SMG1: variants seen among roughly 807,000 people sequenced by gnomAD.
SMG1 encodes the protein serine/threonine-protein kinase SMG1.
A neutral mutation model predicts 419.9 loss-of-function variants in SMG1; 22 were observed. That is an observed-to-expected ratio of 0.05 (90% confidence interval 0.04 to 0.07). SMG1 has a LOEUF of 0.07. SMG1 is among the 10% of genes least tolerant of loss of function. SMG1 has a pLI of 1.00. For missense variants in SMG1, 3,185 were observed against 4,342.0 expected (o/e 0.73, Z 7.49); for synonymous variants, 1,538 against 1,553.5 (o/e 0.99, Z 0.23).
At chr16:18,862,290 A>G (rs1055601279) in intron 25 of SMG1, among the ~76,000 whole-genome samples, 9 of 152,006 alleles carry the variant, frequency 5.9e-5, no homozygotes, top group African/African-American at 2.2e-4. Flanking sequence ...CTCCTCTTCT[A>G]TTCTTTCACA....
At chr16:18,840,949 C>T (rs1353054282) in intron 41 of SMG1, among the ~76,000 whole-genome samples, 1 of 151,886 alleles carries the variant, frequency 6.6e-6, no homozygotes, top group Non-Finnish European at 1.5e-5. Flanking sequence ...AATCCCAACA[C>T]TTAAGAAGGC....
chr16:18,886,745 T>C (rs1039348240), intron 6 of SMG1, among the ~76,000 whole-genome samples: 3 of 152,228 alleles, frequency 2.0e-5, no homozygotes, highest in African/African-American at 7.2e-5. Context: ...GAGGTTGCAG[T>C]GAGCCGAGAT....
intron 45 of SMG1, among the ~76,000 whole-genome samples, 153 bp from the exon 46 acceptor site, chr16:18,837,596 T>C (rs958862541): frequency 2.0e-5 from 3 of 152,166 alleles, no homozygotes; most frequent in Non-Finnish European, 4.4e-5. Flanking sequence ...AACTAATGCG[T>C]TCAAGTTTAC....
At chr16:18,840,117 G>A (rs1204086302) in intron 41 of SMG1, among the ~76,000 whole-genome samples, 171 bp from the exon 42 acceptor site, 1 of 151,968 alleles carries the variant, frequency 6.6e-6, no homozygotes, top group Non-Finnish European at 1.5e-5. Context: ...TCTGGACTAT[G>A]GATCTTTCTT....
Position 18,839,811 on chromosome 16 carries a change from G to A in SMG1, c.6832C>T (p.His2278Tyr). 6.2e-7 allele frequency: 1 copy of A among 1,613,984 alleles called. No individual in the cohort carries two copies. The highest frequency in any genetic ancestry group is 8.5e-7 in the Non-Finnish European group (1 of 1,179,882). Residue 2278 changes from histidine to tyrosine, a missense_variant, in exon 42 of 63, where the codon CAT becomes TAT. Transcript: ENST00000446231. The part of the protein sequence containing the change: ...LDVSRRDWPL[H>Y]VMKAVLEELM... ...TCTTCCAATACTGCCTTCATTACAT[G>A]AAGAGGCCAATCCCGACGGGACACA...
chr16:18,810,295 T>C (rs2031259709), intron 62 of SMG1, among the ~76,000 whole-genome samples: 1 of 152,094 alleles, frequency 6.6e-6, no homozygotes, highest in African/African-American at 2.4e-5. Context: ...TTGCATTCCT[T>C]CCAAAAAAAA....
At chr16:18,819,332 T>G (rs528092662) in intron 56 of SMG1, among the ~76,000 whole-genome samples, 170 bp downstream of exon 56, 7 of 152,336 alleles carry the variant, frequency 4.6e-5, no homozygotes, top group Admixed American at 4.6e-4. Flanking sequence ...AATAACCTGC[T>G]GTGGGTTCAA....
intron 55 of SMG1, among the ~76,000 whole-genome samples, chr16:18,827,523 G>T (rs2032798892): frequency 1.5e-5 from 2 of 134,942 alleles, no homozygotes; most frequent in African/African-American, 2.8e-5. Context: ...ATATATCTTT[G>T]GTATAAATAT....
chr16:18,832,920 C>T lies in SMG1; in HGVS notation c.8792+20G>A. The T allele has an allele frequency of 3.8e-6, 6 of 1,594,254 alleles. 1 individual carries two copies. Among genetic ancestry groups the T allele is most frequent in the South Asian group, 3.3e-5 (3 of 90,646 alleles). ...TCCCATCTCTTTTACAAGGAAACGGCACAGCCAGCATTCACTTGCCTGGCA... is the reference window on the plus strand; with the variant it reads ...TCCCATCTCTTTTACAAGGAAACGGTACAGCCAGCATTCACTTGCCTGGCA... On this transcript the variant is annotated intron_variant, in intron 51 of 62. Transcript: ENST00000446231.
intron 1 of SMG1, among the ~76,000 whole-genome samples, chr16:18,905,872 A>T (rs1248106187): frequency 6.6e-6 from 1 of 152,068 alleles, no homozygotes; most frequent in African/African-American, 2.4e-5. Context: ...TCGGCCTCCC[A>T]AAGTGCTGGA....
At chr16:18,888,820 CTTTTTTTTTTTT>C (rs71141087) in intron 6 of SMG1, among the ~76,000 whole-genome samples, 1 of 112,018 alleles carries the variant, frequency 8.9e-6, no homozygotes, top group Non-Finnish European at 1.8e-5. Flanking sequence ...CAACATGTAT[CTTTTTTTTTTTT>C]TTTTTTTTGA....
At chr16:18,875,611 TTCCAAAA>T (rs768690459) in intron 13 of SMG1, 460 of 152,284 alleles carry the variant, frequency 3.0e-3, no homozygotes, top group Non-Finnish European at 4.7e-3. Context: ...AAAAAAAGTA[TTCCAAAA>T]TCCAAAATCC....
At chr16:18,917,986 G>C (rs1263408572) in intron 1 of SMG1, among the ~76,000 whole-genome samples, 1 of 151,738 alleles carries the variant, frequency 6.6e-6, no homozygotes, top group South Asian at 2.1e-4. Flanking sequence ...ACTGGGCCAG[G>C]GTGGTGGCTC....
At chr16:18,812,315 T>C in intron 60 of SMG1, 188 bp from the exon 61 acceptor site, 1 of 562,596 alleles carries the variant, frequency 1.8e-6, no homozygotes, top group Middle Eastern at 4.8e-4. Flanking sequence ...CATTCAGGTA[T>C]GAATTTGTAC....
chr16:18,904,754 G>A (rs2037492079), intron 1 of SMG1, among the ~76,000 whole-genome samples: 1 of 151,842 alleles, frequency 6.6e-6, no homozygotes, highest in South Asian at 2.1e-4. Flanking sequence ...CGCCAATGTA[G>A]TGAAACCCCG....
intron 1 of SMG1, among the ~76,000 whole-genome samples, chr16:18,905,004 G>C (rs145593389): frequency 2.0e-5 from 3 of 152,116 alleles, no homozygotes; most frequent in Admixed American, 1.3e-4. Flanking sequence ...GCTTACGCCT[G>C]TAATCCCAGC....
rs2035166689 is a variant in SMG1, at chr16:18,860,671, T to G, written c.3801A>C (p.Lys1267Asn). The change falls in exon 26 of 63, where the codon AAA becomes AAC. Residue 1267 changes from lysine (K) to asparagine (N), a missense_variant. Lys to Asn is a moderately conservative substitution (Grantham distance 94). Coordinates refer to ENST00000446231, the MANE Select transcript of SMG1 (RefSeq NM_015092.5). Reference protein sequence around the residue: ...INLLAGGSKEKIDMKKLLPNM... With the variant: ...INLLAGGSKENIDMKKLLPNM... The stretch of plus-strand genomic sequence containing the variant: ...TAAAACTATTTTCTCAAATACCTAT[T>G]TTTTCTTTTGATCCTCCAGCAAGTA... The G allele has an allele frequency of 6.8e-7, 1 of 1,473,594 alleles. No individual in the cohort carries two copies. Among genetic ancestry groups the G allele is most frequent in the African/African-American group, 1.4e-5 (1 of 72,070 alleles). 91.3% of individuals were successfully genotyped at this position (1,473,594 alleles called of 1,614,324 possible).
chr16:18,817,203 C>A, intron 57 of SMG1, 88 bp downstream of exon 57: 4 of 1,101,818 alleles, frequency 3.6e-6, no homozygotes, highest in East Asian at 3.2e-5. Context: ...ATATGCTCAA[C>A]GAATGTAATC....
chr16:18,852,518 C>A, intron 31 of SMG1, 56 bp from the exon 32 acceptor site: 1 of 1,353,256 alleles, frequency 7.4e-7, no homozygotes, highest in Non-Finnish European at 9.7e-7. Context: ...ATGTTACATT[C>A]ATAAATTCCT....
Sources: gnomAD v4.1 joint callset for allele counts (sites outside exome capture counted in the v4.1 genomes callset) on GRCh38, gnomAD v4.1.1 for gene constraint, MANE v1.5 for transcripts, NCBI Gene and HGNC (gene_info 2026-07-23, HGNC 2026-07-21) for gene names.